Variants in CTNNA2 observed in about 807,000 individuals in gnomAD.
The protein encoded by CTNNA2 is catenin alpha-2.
CTNNA2 carries 42 observed loss-of-function variants against 101.0 expected under a neutral mutation model. That is an observed-to-expected ratio of 0.42 (90% CI 0.32 to 0.54). The LOEUF (loss-of-function observed/expected upper bound fraction) is 0.54. CTNNA2 is among the 20% of genes least tolerant of loss of function. The pLI, the probability that CTNNA2 is intolerant of heterozygous loss-of-function variation, is 0.14. For missense variants in CTNNA2, 871 were observed against 1,223.1 expected, an observed-to-expected ratio of 0.71 and a Z score of 4.29; for synonymous variants, 450 against 456.4, an observed-to-expected ratio of 0.99 and a Z score of 0.18.
At chr2:80,018,095 A>G (rs1428233027) in intron 7 of CTNNA2, among the ~76,000 whole-genome samples, 1 of 152,246 alleles carries the variant, frequency 6.6e-6, no homozygotes, top group African/African-American at 2.4e-5. Flanking sequence ...ATGGAATTTG[A>G]AAATACCTGA....
intron 2 of CTNNA2, among the ~76,000 whole-genome samples, chr2:79,708,678 G>A (rs1372680352): frequency 7.6e-6 from 1 of 130,856 alleles, no homozygotes; most frequent in East Asian, 3.0e-4. Flanking sequence ...GATAATTTAG[G>A]AGAACTCAAT....
intron 15 of CTNNA2, among the ~76,000 whole-genome samples, chr2:80,598,971 G>A (rs1348478276): frequency 6.6e-6 from 1 of 152,082 alleles, no homozygotes; most frequent in Non-Finnish European, 1.5e-5. Context: ...TTACACAAGT[G>A]CATAAAAAAT....
At chr2:80,218,782 T>G (rs909554798) in intron 7 of CTNNA2, among the ~76,000 whole-genome samples, 3 of 152,184 alleles carry the variant, frequency 2.0e-5, no homozygotes, top group African/African-American at 4.8e-5. Context: ...CATTCAACTT[T>G]CTCCCCATTT....
chr2:80,232,351 T>G (rs201789659), intron 7 of CTNNA2, among the ~76,000 whole-genome samples: 426 of 13,646 alleles, frequency 0.031, 2 homozygotes, highest in African/African-American at 0.13. Flanking sequence ...GTTTGTTTTT[T>G]TTTTTTTTTT....
intron 9 of CTNNA2, among the ~76,000 whole-genome samples, chr2:80,538,150 A>C (rs6746434): frequency 0.41 from 61,544 of 150,416 alleles, 12,686 homozygotes; most frequent in South Asian, 0.57. Flanking sequence ...AGATTGCAAA[A>C]ATTTTCTCTC....
intron 2 of CTNNA2, among the ~76,000 whole-genome samples, chr2:79,280,918 G>A (rs1675360708): frequency 6.6e-6 from 1 of 152,042 alleles, no homozygotes; most frequent in African/African-American, 2.4e-5. Flanking sequence ...TAGAAAGCCT[G>A]ATGGGATCAC....
At chr2:80,190,292 C>T (rs1250079815) in intron 7 of CTNNA2, among the ~76,000 whole-genome samples, 2 of 152,070 alleles carry the variant, frequency 1.3e-5, no homozygotes, top group African/African-American at 4.8e-5. Flanking sequence ...ACCATCTTAC[C>T]TGCAGAAGTG....
intron 3 of CTNNA2, among the ~76,000 whole-genome samples, chr2:79,767,035 T>C (rs113357092): frequency 0.15 from 23,381 of 152,016 alleles, 2,071 homozygotes; most frequent in Admixed American, 0.21. Flanking sequence ...ATTACAGGCG[T>C]GAGCCACTGC....
At chr2:79,541,827 A>G (rs1455744606) in intron 1 of CTNNA2, among the ~76,000 whole-genome samples, 1 of 151,948 alleles carries the variant, frequency 6.6e-6, no homozygotes, top group African/African-American at 2.4e-5. Flanking sequence ...GGGTTTCACC[A>G]TGTTGTCCAG....
intron 7 of CTNNA2, among the ~76,000 whole-genome samples, chr2:80,309,564 G>A (rs1184386106): frequency 1.3e-5 from 2 of 152,154 alleles, no homozygotes; most frequent in Non-Finnish European, 2.9e-5. Context: ...CCCTATACAA[G>A]TCACTTCTTG....
intron 7 of CTNNA2, among the ~76,000 whole-genome samples, chr2:80,022,870 C>G (rs969178112): frequency 1.3e-5 from 2 of 152,066 alleles, no homozygotes; most frequent in East Asian, 1.9e-4. Context: ...AATGACAAAG[C>G]CTTGAAGGAT....
chr2:79,198,912 G>A (rs1673997029), intron 2 of CTNNA2, among the ~76,000 whole-genome samples: 1 of 152,108 alleles, frequency 6.6e-6, no homozygotes, highest in Non-Finnish European at 1.5e-5. Context: ...GAGGAAACTG[G>A]TAAGATGTTA....
intron 7 of CTNNA2, among the ~76,000 whole-genome samples, chr2:80,144,402 T>C (rs1323660967): frequency 6.6e-6 from 1 of 152,186 alleles, no homozygotes; most frequent in African/African-American, 2.4e-5. Flanking sequence ...GAACCCGTAA[T>C]ATGAAATGAG....
chr2:79,439,605 G>A (rs538430759), intron 4 of CTNNA2, among the ~76,000 whole-genome samples: 1 of 152,238 alleles, frequency 6.6e-6, no homozygotes, highest in Non-Finnish European at 1.5e-5. Flanking sequence ...TTATTTAAAA[G>A]GATCAATTTG....
chr2:79,276,518 C>T (rs1675217151), intron 2 of CTNNA2, among the ~76,000 whole-genome samples: 2 of 152,192 alleles, frequency 1.3e-5, no homozygotes, highest in South Asian at 2.1e-4. Flanking sequence ...TACCTGAAGT[C>T]TATTTTGTCT....
intron 1 of CTNNA2, among the ~76,000 whole-genome samples, chr2:79,556,954 A>G (rs897451282): frequency 1.3e-4 from 19 of 151,968 alleles, no homozygotes; most frequent in African/African-American, 4.6e-4. Flanking sequence ...AAGTTACCCT[A>G]CATGCTTGCA....
chr2:80,154,807 C>T (rs1389268970), intron 7 of CTNNA2, among the ~76,000 whole-genome samples: 4 of 152,156 alleles, frequency 2.6e-5, no homozygotes, highest in Non-Finnish European at 5.9e-5. Flanking sequence ...AACAGCCATT[C>T]TCAAACTTTT....
intron 2 of CTNNA2, among the ~76,000 whole-genome samples, chr2:79,684,265 A>C (rs1683780835): frequency 6.6e-6 from 1 of 152,194 alleles, no homozygotes; most frequent in South Asian, 2.1e-4. Context: ...TATTCCATGC[A>C]ATACTTTATG....
chr2:79,744,832 A>T (rs1671530577), intron 3 of CTNNA2, among the ~76,000 whole-genome samples: 1 of 152,150 alleles, frequency 6.6e-6, no homozygotes, highest in Admixed American at 6.5e-5. Flanking sequence ...CTTCTTGGTC[A>T]ATGTAAACAG....
Sources: gnomAD v4.1 joint callset for allele counts (sites outside exome capture counted in the v4.1 genomes callset) on GRCh38, gnomAD v4.1.1 for gene constraint, MANE v1.5 for transcripts, NCBI Gene and HGNC (gene_info 2026-07-23, HGNC 2026-07-21) for gene names.